The following C3 variants were observed in gnomAD, a reference collection of about 807,000 sequenced individuals.
C3 encodes C3 and PZP-like alpha-2-macroglobulin domain-containing protein 1.
C3 carries 97 observed loss-of-function variants against 207.9 expected under a neutral mutation model. The ratio of observed to expected loss-of-function variants is 0.47; its 90% CI spans 0.40 to 0.55. The LOEUF is 0.55. C3 is among the 20% of genes least tolerant of loss of function. The pLI is 0.00. For synonymous variants in C3, 848 were observed against 857.6 expected, an observed-to-expected ratio of 0.99 and a Z score of 0.20; for missense variants, 1,684 against 2,171.7, an observed-to-expected ratio of 0.78 and a Z score of 4.46.
chr19:6,684,617 G>A lies in C3; in HGVS notation c.4063C>T (p.Gln1355Ter), dbSNP rs267605751. Residue 1355 changes from glutamine to a stop codon, truncating the protein, a stop_gained, in exon 32 of 41, where the codon CAA becomes TAA. Transcript: ENST00000245907. LOFTEE classifies it high-confidence loss of function. The part of the protein sequence containing the change: ...VTMYHAKAKD[Q>*]LTCNKFDLKV... ...AGGTCGAATTTATTACAGGTGAGTT[G>A]ATCTTTGGCCTTAGCATGGTACATT... 1 of 1,614,094 alleles carries A rather than the reference G, an allele frequency of 6.2e-7. No individual in the cohort carries two copies.
Position 6,689,302 on chromosome 19 carries a change from TC to T in C3, c.3489+1326del, listed in dbSNP as rs527250610. 2.4e-4 allele frequency among the ~76,000 whole-genome samples: 28 copies of T among 114,926 alleles called. 1 individual carries two copies. In the East Asian group the frequency reaches 2.8e-3, roughly 11 times the overall value. 75.4% of individuals were successfully genotyped at this position (114,926 alleles called of 152,430 possible). A position where few individuals can be genotyped will look rare whatever the true frequency, so the allele number is the denominator to read the frequency against. On this transcript the variant is annotated intron_variant, in intron 27 of 40. Coordinates refer to ENST00000245907, the MANE Select transcript of C3 (RefSeq NM_000064.4). Reference sequence around the variant, plus strand: ...GATTTGTCTGACCCCACCTCTCCTCTCTCTCTCTCTCTCTCTCTCTACCTAC... The same window carrying T: ...GATTTGTCTGACCCCACCTCTCCTCTTCTCTCTCTCTCTCTCTCTACCTAC...
rs1456395796 is a variant in C3 at position 6,693,480 on chromosome 19, G to A, written c.3162C>T (p.Thr1054=). The change falls in exon 25 of 41, where the codon ACC becomes ACT. Residue 1054 remains threonine (T), a synonymous_variant. Coordinates refer to ENST00000245907, the MANE Select transcript of C3 (RefSeq NM_000064.4). ...TGGGTTGTCTGAAGGCCAGCTGCTGGGTGTACCCTGCAGAGAAGAGAGAGG... is the reference window on the plus strand; with the variant it reads ...TGGGTTGTCTGAAGGCCAGCTGCTGAGTGTACCCTGCAGAGAAGAGAGAGG... ...GALELIKKGY[T]QQLAFRQPSS... 1.2e-6 allele frequency: 2 copies of A among 1,611,960 alleles called. No homozygotes were observed. Among genetic ancestry groups the A allele is most frequent in the Non-Finnish European group, 1.7e-6 (2 of 1,179,454 alleles).
intron 17 of C3, among the ~76,000 whole-genome samples, chr19:6,704,894 T>G (rs1202844784): frequency 6.9e-6 from 1 of 145,758 alleles, no homozygotes; most frequent in Non-Finnish European, 1.5e-5. Flanking sequence ...CAAGATTCCA[T>G]CTCAAAAAAA....
At chr19:6,702,602 T>C (rs537184388) in intron 17 of C3, 23 bp from the exon 18 acceptor site, 40 of 1,511,956 alleles carry the variant, frequency 2.6e-5, no homozygotes, top group South Asian at 3.4e-5. Context: ...TAGATCTGCA[T>C]TTAGAACAGA....
At chr19:6,686,545 G>A (rs1224748675) in intron 28 of C3, 1 of 742,506 alleles carries the variant, frequency 1.3e-6, no homozygotes, top group East Asian at 2.4e-5. Context: ...TTTACAATGA[G>A]GACCTGCGAA....
Position 6,711,189 on chromosome 19 carries a change from GT to G in C3, c.1276del (p.Thr426ArgfsTer68). On this transcript the variant is annotated frameshift_variant, in exon 12 of 41. Coordinates refer to ENST00000245907, the MANE Select transcript of C3 (RefSeq NM_000064.4). LOFTEE classifies it high-confidence loss of function. ...SQKPLSITVR[T>X]KKQELSEAEQ... ...TGCCTCCGAGAGCTCCTGCTTCTTC[GT>G]GCGCACCTGGGTGGGGAAAGAGGGA... The G allele has an allele frequency of 1.2e-6, 2 of 1,612,312 alleles. No individual in the cohort carries two copies. The highest frequency in any genetic ancestry group is 1.7e-6 in the Non-Finnish European group (2 of 1,179,908).
intron 36 of C3, 129 bp from the exon 37 acceptor site, chr19:6,679,625 C>T: frequency 2.7e-6 from 2 of 740,782 alleles, no homozygotes; most frequent in Non-Finnish European, 4.9e-6. Flanking sequence ...CCTCAGATCC[C>T]TCAGACCCCA....
chr19:6,715,258 C>G (rs1431374028), intron 4 of C3, among the ~76,000 whole-genome samples: 1 of 152,092 alleles, frequency 6.6e-6, no homozygotes, highest in Admixed American at 6.5e-5. Context: ...GAAGATTGCT[C>G]AAGGTCAAGG....
chr19:6,710,886 G>A, intron 12 of C3, 41 bp from the exon 13 acceptor site: 2 of 1,602,902 alleles, frequency 1.2e-6, no homozygotes, highest in African/African-American at 1.3e-5. Context: ...AGGGTGAGTG[G>A]CAGGGAACGC....
At chr19:6,679,577 T>A in intron 36 of C3, 81 bp from the exon 37 acceptor site, 1 of 940,154 alleles carries the variant, frequency 1.1e-6, no homozygotes, top group Non-Finnish European at 1.8e-6. Context: ...GATCCCCAGT[T>A]CTCAGTCTTC....
intron 24 of C3, 28 bp from the exon 25 acceptor site, chr19:6,693,515 A>G (rs1918222174): frequency 1.3e-6 from 2 of 1,597,540 alleles, no homozygotes; most frequent in African/African-American, 1.3e-5. Flanking sequence ...GAACCCCCAA[A>G]AGAGCCGGGG....
At chr19:6,686,033 C>G in intron 29 of C3, 91 bp downstream of exon 29, 1 of 1,311,882 alleles carries the variant, frequency 7.6e-7, no homozygotes, top group Non-Finnish European at 1.1e-6. Flanking sequence ...TGAAGAACTG[C>G]CTCGCTGGGC....
chr19:6,701,949 C>A (rs183914139), intron 19 of C3, among the ~76,000 whole-genome samples, 178 bp downstream of exon 19: 17 of 152,274 alleles, frequency 1.1e-4, no homozygotes, highest in Admixed American at 4.6e-4. Flanking sequence ...ATTCTTTCTT[C>A]CAAGTTAGAC....
rs59869521 is a variant in C3, at chr19:6,684,250, C to A, written c.4172+138G>T. On this transcript the variant is annotated intron_variant, in intron 33 of 40. Coordinates refer to ENST00000245907, the MANE Select transcript of C3 (RefSeq NM_000064.4). ...AAGCAAGGACTGTCTGTGTTGTCTA[C>A]CTCATGGTGGATACTTAGAACAGTA... is the stretch of plus-strand genomic sequence containing the variant. The A allele has an allele frequency of 2.8e-3, 2,272 of 801,568 alleles. 29 individuals are homozygous for A. In the African/African-American group the frequency reaches 0.033, roughly 12 times the overall value. 49.7% of individuals were successfully genotyped at this position (801,568 alleles called of 1,614,324 possible). A position where few individuals can be genotyped will look rare whatever the true frequency, so the allele number is the denominator to read the frequency against.
chr19:6,685,510 A>G (rs750285043), intron 29 of C3, among the ~76,000 whole-genome samples: 23 of 152,196 alleles, frequency 1.5e-4, no homozygotes, highest in Non-Finnish European at 1.0e-4. Flanking sequence ...CCACTCATGA[A>G]GAACAGAATG....
chr19:6,718,292 G>C lies in C3; in HGVS notation c.388C>G (p.Leu130Val), dbSNP rs766237138. ...ATGGTCTTGTCTGTCTGGATGAAGAGGTACCCGCTCTGCAGGCTGACCAGC... is the reference window on the plus strand; with the variant it reads ...ATGGTCTTGTCTGTCTGGATGAAGACGTACCCGCTCTGCAGGCTGACCAGC... ...VVLVSLQSGY[L>V]FIQTDKTIYT... Residue 130 changes from leucine (L) to valine (V), a missense_variant, in exon 3 of 41, where the codon CTC (leucine) becomes GTC (valine). By Grantham distance (32) the Leu-to-Val change is conservative. Transcript: ENST00000245907. 16 of 1,613,786 alleles carry C rather than the reference G, an allele frequency of 9.9e-6. No individual in the cohort carries two copies. The highest frequency in any genetic ancestry group is 1.3e-5 in the African/African-American group (1 of 74,808).
chr19:6,682,447 C>T (rs1917889508), intron 33 of C3: 1 of 545,654 alleles, frequency 1.8e-6, no homozygotes, highest in South Asian at 2.0e-5. Context: ...CTGCACCCAA[C>T]TGCATGGATT....
At chr19:6,713,699 G>A in intron 7 of C3, 190 bp from the exon 8 acceptor site, 1 of 357,186 alleles carries the variant, frequency 2.8e-6, no homozygotes, top group South Asian at 2.5e-5. Flanking sequence ...CCCCCACATG[G>A]TCCCACCTCC....
intron 14 of C3, among the ~76,000 whole-genome samples, chr19:6,708,767 G>A (rs1967844142): frequency 6.8e-6 from 1 of 147,674 alleles, no homozygotes; most frequent in Middle Eastern, 3.3e-3. Context: ...GCTCACTGCA[G>A]CCTCAAATTC....
Sources: gnomAD v4.1 joint callset for allele counts (sites outside exome capture counted in the v4.1 genomes callset) on GRCh38, gnomAD v4.1.1 for gene constraint, MANE v1.5 for transcripts, NCBI Gene and HGNC (gene_info 2026-07-23, HGNC 2026-07-21) for gene names.